The following SIRPB2 variants were observed in gnomAD, a reference collection of about 807,000 sequenced individuals.
SIRPB2 encodes signal-regulatory protein beta-2.
SIRPB2 carries 18 observed loss-of-function variants against 27.1 expected under a neutral mutation model. That is an observed-to-expected ratio of 0.66 (90% confidence interval 0.46 to 0.98). The LOEUF is 0.98. Among genes scored for constraint, SIRPB2 ranks in the 50% least tolerant of loss-of-function variants. The probability of loss-of-function intolerance (pLI) is 0.00; values close to 1 mark genes in which losing one functional copy is unlikely to be tolerated. For synonymous variants in SIRPB2, 150 were observed against 164.6 expected (o/e 0.91, Z 0.68); for missense variants, 420 against 417.4 (o/e 1.01, Z -0.06).
At chr20:1,488,468 A>T (rs2090747795) in intron 1 of SIRPB2, among the ~76,000 whole-genome samples, 1 of 152,116 alleles carries the variant, frequency 6.6e-6, no homozygotes, top group Non-Finnish European at 1.5e-5. Context: ...AAAACAAAAA[A>T]ACTAACCAAC....
rs1287835551 is a variant in SIRPB2 at position 1,485,636 on chromosome 20, A to ACGCACACACACAC, written c.86-5572_86-5571insGTGTGTGTGTGCG. On this transcript the variant is annotated intron_variant, in intron 1 of 4. Transcript: ENST00000359801. ...AATGAAACTTAATACAGTAGAACAC[A>ACGCACACACACAC]CACACACACACACACACCACACACA... Among the ~76,000 whole-genome samples the ACGCACACACACAC allele has an allele frequency of 5.6e-3, 773 of 138,094 alleles. 11 individuals carry two copies. The highest frequency in any genetic ancestry group is 0.022 in the African/African-American group (746 of 33,788). 90.6% of individuals were successfully genotyped at this position (138,094 alleles called of 152,430 possible). A position where few individuals can be genotyped will look rare whatever the true frequency, so the allele number is the denominator to read the frequency against.
intron 1 of SIRPB2, among the ~76,000 whole-genome samples, chr20:1,485,175 T>C (rs1028240607): frequency 6.6e-6 from 1 of 152,164 alleles, no homozygotes; most frequent in Admixed American, 6.5e-5. Context: ...CCATTTGATA[T>C]CAGAGTATGG....
At chr20:1,489,082 G>C (rs2090753529) in intron 1 of SIRPB2, among the ~76,000 whole-genome samples, 1 of 152,174 alleles carries the variant, frequency 6.6e-6, no homozygotes, top group African/African-American at 2.4e-5. Context: ...TAATTATGCG[G>C]AGTAAAAGAA....
At chr20:1,473,379 TGCACACACGCACACACAC>T (rs1228113690), downstream of SIRPB2, 3 of 135,392 alleles carry the variant, frequency 2.2e-5, no homozygotes, top group African/African-American at 9.7e-5. Flanking sequence ...CACGCACACA[TGCACACACGCACACACAC>T]GCACACACAC....
chr20:1,491,094 ACTACGCTG>A (rs559168179), intron 1 of SIRPB2, among the ~76,000 whole-genome samples, 173 bp downstream of exon 1: 19 of 152,314 alleles, frequency 1.2e-4, no homozygotes, highest in African/African-American at 3.8e-4. Flanking sequence ...TTATCACTTC[ACTACGCTG>A]CTTCTTGGGA....
At chr20:1,487,774 A>C (rs1437740556) in intron 1 of SIRPB2, among the ~76,000 whole-genome samples, 5 of 152,248 alleles carry the variant, frequency 3.3e-5, no homozygotes, top group Admixed American at 6.5e-5. Context: ...CTAGGAGTAC[A>C]GGTGCATGCC....
At position 1,489,690 on chromosome 20, in the gene SIRPB2, T is replaced by C. The variant is rs146193220; in HGVS notation, c.85+1585A>G. ...CATCTGCATCCTCTGCCTTTCATGGTTCCTGTATGGGGCTCCCTTTAAAAG... is the reference window on the plus strand; with the variant it reads ...CATCTGCATCCTCTGCCTTTCATGGCTCCTGTATGGGGCTCCCTTTAAAAG... On this transcript the variant is annotated intron_variant, in intron 1 of 4. Coordinates refer to ENST00000359801, the MANE Select transcript of SIRPB2 (RefSeq NM_001122962.2). 1.8e-4 allele frequency among the ~76,000 whole-genome samples: 27 copies of C among 152,242 alleles called. No homozygotes were observed. The East Asian group carries it at 5.0e-3, about 28-fold the overall frequency.
At chr20:1,471,504 A>C (rs1433158865), downstream of SIRPB2, among the ~76,000 whole-genome samples, 1 of 152,232 alleles carries the variant, frequency 6.6e-6, no homozygotes, top group Non-Finnish European at 1.5e-5. Context: ...TTGAGTCAGA[A>C]AGCAAGGTTG....
intron 1 of SIRPB2, among the ~76,000 whole-genome samples, chr20:1,486,491 C>T (rs78551244): frequency 0.01 from 1,571 of 152,126 alleles, 28 homozygotes; most frequent in African/African-American, 0.035. Flanking sequence ...ATCTTGAAAC[C>T]GAAGCCTTTT....
chr20:1,476,890 CCCCATGAAGTAGGGT>C lies in SIRPB2; in HGVS notation c.859+433_859+447del, dbSNP rs1162445875. ...GTGATCTCCTTGAGTGCACACACAACCCCATGAAGTAGGGTCTCTGATTCTTGTCCCCTCCCCGCT... is the reference window on the plus strand; with the variant it reads ...GTGATCTCCTTGAGTGCACACACAACCTCTGATTCTTGTCCCCTCCCCGCT... On this transcript the variant is annotated intron_variant, in intron 4 of 4. Coordinates refer to ENST00000359801, the MANE Select transcript of SIRPB2 (RefSeq NM_001122962.2). The C allele has an allele frequency of 1.2e-5, 14 of 1,158,816 alleles. No homozygotes were observed. In the East Asian group the frequency reaches 8.5e-4, roughly 70 times the overall value. The allele number at this position is 1,158,816 out of a possible 1,614,324, so 71.8% of individuals were successfully genotyped here. A position where few individuals can be genotyped will look rare whatever the true frequency, so the allele number is the denominator to read the frequency against.
chr20:1,490,990 G>A (rs557118632), intron 1 of SIRPB2, among the ~76,000 whole-genome samples: 5 of 152,182 alleles, frequency 3.3e-5, no homozygotes, highest in Non-Finnish European at 5.9e-5. Flanking sequence ...TTTTGTAGAA[G>A]AGGCTCCTGG....
At chr20:1,490,653 T>G (rs1478930522) in intron 1 of SIRPB2, among the ~76,000 whole-genome samples, 1 of 152,118 alleles carries the variant, frequency 6.6e-6, no homozygotes, top group Non-Finnish European at 1.5e-5. Flanking sequence ...TATTTTTAGC[T>G]CCATTTTACA....
chr20:1,477,055 G>A (rs1192968204), intron 4 of SIRPB2: 1 of 1,394,520 alleles, frequency 7.2e-7, no homozygotes, highest in African/African-American at 1.4e-5. Context: ...TAGCCTCACA[G>A]TGTGTCCCTA....
intron 4 of SIRPB2, chr20:1,476,769 A>T (rs2090609945): frequency 9.6e-7 from 1 of 1,043,794 alleles, no homozygotes; most frequent in Admixed American, 5.1e-5. Context: ...AGGAAGGCAA[A>T]TCTGACCACA....
chr20:1,486,344 A>T (rs1028126832), intron 1 of SIRPB2, among the ~76,000 whole-genome samples: 3 of 152,072 alleles, frequency 2.0e-5, no homozygotes, highest in Non-Finnish European at 4.4e-5. Context: ...AACTGCTGGG[A>T]TTGCAGGCAT....
chr20:1,480,663 G>A (rs1163234912), intron 1 of SIRPB2, among the ~76,000 whole-genome samples: 1 of 152,172 alleles, frequency 6.6e-6, no homozygotes, highest in Non-Finnish European at 1.5e-5. Context: ...TATAGGCTGA[G>A]GAGAGGCGCC....
chr20:1,477,840 T>C (rs1186872144), intron 3 of SIRPB2, among the ~76,000 whole-genome samples: 1 of 152,164 alleles, frequency 6.6e-6, no homozygotes, highest in Non-Finnish European at 1.5e-5. Flanking sequence ...CACGCCTGAC[T>C]AATTTTGTAT....
chr20:1,474,865 T>A lies in SIRPB2; in HGVS notation c.*1302A>T, dbSNP rs1166873918. 1.3e-5 allele frequency: 2 copies of A among 152,272 alleles called. No homozygotes were observed. Among genetic ancestry groups the A allele is most frequent in the African/African-American group, 2.4e-5 (1 of 41,448 alleles). The allele number at this position is 152,272 out of a possible 1,614,324, so 9.4% of individuals were successfully genotyped here. On this transcript the variant is annotated 3_prime_UTR_variant, in exon 5 of 5. Transcript: ENST00000359801. ...CTGGGATTACATGCATAAGCCACCGTGCCTGGTCTTGAATTGGTTCTTACA... is the reference window on the plus strand; with the variant it reads ...CTGGGATTACATGCATAAGCCACCGAGCCTGGTCTTGAATTGGTTCTTACA...
chr20:1,471,338 T>C (rs2090580775), downstream of SIRPB2, among the ~76,000 whole-genome samples: 1 of 152,232 alleles, frequency 6.6e-6, no homozygotes, highest in Non-Finnish European at 1.5e-5. Flanking sequence ...ACAGTGAAAC[T>C]GTCTCTGTTT....
Sources: allele counts gnomAD v4.1 joint callset (sites outside exome capture counted in the v4.1 genomes callset), GRCh38; gene constraint gnomAD v4.1.1; transcripts MANE v1.5; gene names NCBI Gene and HGNC (gene_info 2026-07-23, HGNC 2026-07-21).